The following BBS9 variants were observed in gnomAD, a reference collection of about 807,000 sequenced individuals.
BBS9 encodes Bardet-Biedl syndrome 9.
Under a neutral mutation model 117.7 loss-of-function variants are expected in BBS9, and 89 were observed. The ratio of observed to expected loss-of-function variants is 0.76; its 90% CI spans 0.64 to 0.90. The LOEUF (loss-of-function observed/expected upper bound fraction) is 0.90, where lower values mean the gene tolerates loss of function less well. BBS9 is among the 40% of genes least tolerant of loss of function. The pLI is 0.00. For missense variants in BBS9, 982 were observed against 1,042.2 expected (o/e 0.94, Z 0.80); for synonymous variants, 379 against 370.9 (o/e 1.02, Z -0.25).
At chr7:33,622,234 AAAAG>A (rs1865447501) in intron 21 of BBS9, among the ~76,000 whole-genome samples, 1 of 152,112 alleles carries the variant, frequency 6.6e-6, no homozygotes, top group African/African-American at 2.4e-5. Context: ...AAATAAATAA[AAAAG>A]AAAAATACTG....
chr7:33,555,993 A>G (rs1286168425), intron 21 of BBS9, among the ~76,000 whole-genome samples: 2 of 152,194 alleles, frequency 1.3e-5, no homozygotes, highest in Non-Finnish European at 2.9e-5. Flanking sequence ...TAGAAAATCC[A>G]TGTGGGTACA....
intron 20 of BBS9, among the ~76,000 whole-genome samples, chr7:33,515,706 T>C (rs1847656010): frequency 6.6e-6 from 1 of 152,264 alleles, no homozygotes; most frequent in South Asian, 2.1e-4. Context: ...TTGTATTGCT[T>C]GACCTTGACA....
chr7:33,445,406 A>G (rs1324818830), intron 19 of BBS9, among the ~76,000 whole-genome samples: 2 of 152,208 alleles, frequency 1.3e-5, no homozygotes, highest in African/African-American at 2.4e-5. Flanking sequence ...GAAGTTTTGC[A>G]GGAACACATG....
At chr7:33,439,763 G>A (rs551398682) in intron 19 of BBS9, among the ~76,000 whole-genome samples, 61 of 152,236 alleles carry the variant, frequency 4.0e-4, no homozygotes, top group Non-Finnish European at 7.9e-4. Flanking sequence ...TCCTGACCTC[G>A]TGGTCCACCT....
chr7:33,157,938 C>T (rs1003066953), intron 4 of BBS9, among the ~76,000 whole-genome samples: 7 of 152,156 alleles, frequency 4.6e-5, no homozygotes, highest in Admixed American at 1.3e-4. Context: ...CATGGCATCT[C>T]AGATTTCTTT....
intron 19 of BBS9, among the ~76,000 whole-genome samples, chr7:33,503,195 T>C (rs889986727): frequency 6.6e-6 from 1 of 152,110 alleles, no homozygotes; most frequent in African/African-American, 2.4e-5. Flanking sequence ...AAAATAAAAT[T>C]ACTAAGAATT....
At chr7:33,385,737 CTT>C (rs1825885421) in intron 18 of BBS9, among the ~76,000 whole-genome samples, 1 of 151,646 alleles carries the variant, frequency 6.6e-6, no homozygotes, top group African/African-American at 2.4e-5. Context: ...CTTTTAAAAA[CTT>C]TATTTTAAAA....
upstream of BBS9, chr7:33,129,294 T>A (rs1160102971): frequency 1.8e-5 from 10 of 552,368 alleles, no homozygotes; most frequent in Middle Eastern, 4.6e-4. Context: ...CGGGGGGGCG[T>A]GGCCTGCCCC....
chr7:33,467,857 G>A (rs7810824), intron 19 of BBS9, among the ~76,000 whole-genome samples: 172 of 152,220 alleles, frequency 1.1e-3, no homozygotes, highest in Non-Finnish European at 1.8e-3. Flanking sequence ...TTGTTCATGT[G>A]GGGGAGGAAG....
intron 2 of BBS9, among the ~76,000 whole-genome samples, chr7:33,151,791 TCTGC>T (rs1793366493): frequency 6.6e-6 from 1 of 151,656 alleles, no homozygotes; most frequent in Non-Finnish European, 1.5e-5. Flanking sequence ...TCTCAAGTGA[TCTGC>T]CTGCCTCGGC....
intron 5 of BBS9, among the ~76,000 whole-genome samples, chr7:33,194,824 A>T (rs1459023282): frequency 1.3e-5 from 2 of 152,152 alleles, no homozygotes; most frequent in East Asian, 3.8e-4. Context: ...TCTAGCAGGA[A>T]TTTTTATATT....
intron 1 of BBS9, among the ~76,000 whole-genome samples, chr7:33,143,085 T>G (rs910523371): frequency 6.6e-6 from 1 of 152,148 alleles, no homozygotes; most frequent in African/African-American, 2.4e-5. Flanking sequence ...TTCTCTTGCC[T>G]TAGCCTCCCG....
intron 9 of BBS9, among the ~76,000 whole-genome samples, chr7:33,298,984 T>C (rs948754431): frequency 2.0e-5 from 3 of 152,200 alleles, no homozygotes; most frequent in African/African-American, 7.2e-5. Context: ...CAGAAGTCTT[T>C]TATTGTTGTT....
intron 21 of BBS9, among the ~76,000 whole-genome samples, chr7:33,622,733 G>A (rs1158343742): frequency 6.6e-6 from 1 of 152,080 alleles, no homozygotes; most frequent in African/African-American, 2.4e-5. Context: ...ATTAATGTAG[G>A]GATATACTAA....
intron 21 of BBS9, among the ~76,000 whole-genome samples, chr7:33,537,557 T>A (rs529281450): frequency 6.6e-6 from 1 of 152,216 alleles, no homozygotes; most frequent in African/African-American, 2.4e-5. Context: ...TCGTTAAATA[T>A]CTATTTTCCA....
intron 5 of BBS9, among the ~76,000 whole-genome samples, chr7:33,189,004 A>C (rs76669250): frequency 0.012 from 1,829 of 152,082 alleles, 35 homozygotes; most frequent in African/African-American, 0.043. Flanking sequence ...ACCTGAATAC[A>C]TTTTTACTTT....
intron 4 of BBS9, among the ~76,000 whole-genome samples, chr7:33,176,693 G>A (rs1488553224): frequency 6.6e-6 from 1 of 151,988 alleles, no homozygotes; most frequent in African/African-American, 2.4e-5. Flanking sequence ...TATTGCATTT[G>A]CTTTATGATA....
chr7:33,161,623 TG>T (rs1794861744), intron 4 of BBS9, among the ~76,000 whole-genome samples: 1 of 152,246 alleles, frequency 6.6e-6, no homozygotes, highest in Admixed American at 6.5e-5. Context: ...TATAATCCTT[TG>T]GGTGTATACC....
intron 21 of BBS9, among the ~76,000 whole-genome samples, chr7:33,553,308 C>T (rs1381420480): frequency 2.0e-5 from 3 of 152,288 alleles, no homozygotes; most frequent in Non-Finnish European, 2.9e-5. Context: ...ACAATGTCTG[C>T]GTTAGCTACT....
Sources: gnomAD v4.1 joint callset for allele counts (sites outside exome capture counted in the v4.1 genomes callset) on GRCh38, gnomAD v4.1.1 for gene constraint, MANE v1.5 for transcripts, NCBI Gene and HGNC (gene_info 2026-07-23, HGNC 2026-07-21) for gene names.